The following E2F5 variants were observed in gnomAD, a reference collection of about 807,000 sequenced individuals.
E2F5 encodes the protein E2F transcription factor 5.
E2F5 carries 23 observed loss-of-function variants against 39.1 expected under a neutral mutation model. The ratio of observed to expected loss-of-function variants is 0.59; its 90% CI spans 0.42 to 0.83. The LOEUF (loss-of-function observed/expected upper bound fraction) is 0.83, where lower values mean the gene tolerates loss of function less well. Among genes scored for constraint, E2F5 ranks in the 40% least tolerant of loss-of-function variants. The probability of loss-of-function intolerance (pLI) is 0.00; values close to 1 mark genes in which losing one functional copy is unlikely to be tolerated. For synonymous variants in E2F5, 145 were observed against 157.8 expected (o/e 0.92, Z 0.61); for missense variants, 365 against 406.7 (o/e 0.90, Z 0.88).
At chr8:85,188,895 C>T (rs1812402209) in intron 1 of E2F5, among the ~76,000 whole-genome samples, 1 of 152,136 alleles carries the variant, frequency 6.6e-6, no homozygotes, top group Non-Finnish European at 1.5e-5. Flanking sequence ...CCTTCTTACC[C>T]TCTTCAATGT....
chr8:85,193,672 T>C (rs2129681230), intron 1 of E2F5, among the ~76,000 whole-genome samples: 1 of 152,316 alleles, frequency 6.6e-6, no homozygotes, highest in South Asian at 2.1e-4. Context: ...ATCATTGCTC[T>C]GCTTTTTTTC....
intron 1 of E2F5, among the ~76,000 whole-genome samples, chr8:85,186,258 A>G (rs1445739613): frequency 6.6e-6 from 1 of 152,108 alleles, no homozygotes; most frequent in Non-Finnish European, 1.5e-5. Flanking sequence ...CTATCACAAT[A>G]ACAGAAAACC....
At chr8:85,201,871 A>G in intron 1 of E2F5, 1 of 425,602 alleles carries the variant, frequency 2.3e-6, no homozygotes, top group Non-Finnish European at 4.1e-6. Flanking sequence ...AAGGTGACAC[A>G]AAGTATTCTT....
intron 3 of E2F5, among the ~76,000 whole-genome samples, chr8:85,203,848 TTA>T (rs1812745983): frequency 6.8e-6 from 1 of 147,950 alleles, no homozygotes; most frequent in South Asian, 2.1e-4. Context: ...TAAAATATAT[TTA>T]TATATAATAT....
chr8:85,214,485 G>C lies in E2F5; in HGVS notation c.*623G>C. On this transcript the variant is annotated 3_prime_UTR_variant, in exon 8 of 8. Transcript: ENST00000416274. ...TGTGCCAATGCCTGTACATTAACAA[G>C]ATTTTTAAAAATAAAATTGTATAAA... 9.4e-7 allele frequency: 1 copy of C among 1,069,412 alleles called. No individual in the cohort carries two copies. Among genetic ancestry groups the C allele is most frequent in the South Asian group, 1.4e-5 (1 of 74,020 alleles). The allele number at this position is 1,069,412 out of a possible 1,614,324, so 66.2% of individuals were successfully genotyped here.
intron 1 of E2F5, among the ~76,000 whole-genome samples, chr8:85,199,564 G>A (rs1277287593): frequency 7.0e-6 from 1 of 142,514 alleles, no homozygotes; most frequent in Non-Finnish European, 1.5e-5. Flanking sequence ...TGGTGGTGGT[G>A]GAGATTCATG....
chr8:85,190,418 G>A (rs1294137800), intron 1 of E2F5, among the ~76,000 whole-genome samples: 1 of 148,974 alleles, frequency 6.7e-6, no homozygotes, highest in Non-Finnish European at 1.5e-5. Context: ...CAGGACCTGT[G>A]AATATGTTCA....
At chr8:85,200,975 C>T (rs1812685242) in intron 1 of E2F5, among the ~76,000 whole-genome samples, 1 of 152,202 alleles carries the variant, frequency 6.6e-6, no homozygotes. Flanking sequence ...GAATCCCCTT[C>T]TTGAGGAAGA....
chr8:85,195,214 C>G (rs1329301089), intron 1 of E2F5, among the ~76,000 whole-genome samples: 1 of 151,946 alleles, frequency 6.6e-6, no homozygotes, highest in Non-Finnish European at 1.5e-5. Context: ...GAAACCCCCT[C>G]TCTACTAAAA....
At chr8:85,181,097 C>T (rs1329431173) in intron 1 of E2F5, among the ~76,000 whole-genome samples, 1 of 151,878 alleles carries the variant, frequency 6.6e-6, no homozygotes, top group Non-Finnish European at 1.5e-5. Flanking sequence ...AGGCTGGTCT[C>T]GAACTCCTGA....
chr8:85,204,484 T>C (rs1165170364), intron 3 of E2F5, among the ~76,000 whole-genome samples: 1 of 133,462 alleles, frequency 7.5e-6, no homozygotes, highest in African/African-American at 2.9e-5. Flanking sequence ...TAGGTGGGAA[T>C]TGAACAATGA....
In E2F5 at chr8:85,207,281, C is replaced by T. The variant is rs1346233268; in HGVS notation, c.551-144C>T. ...TCTATGCAGTAGGTTGTGTATCCCC[C>T]ATTTTATAGAATTGAAAATCAAAGC... On this transcript the variant is annotated intron_variant, in intron 4 of 7. Transcript: ENST00000416274. 11 of 608,108 alleles carry T rather than the reference C, an allele frequency of 1.8e-5. No individual in the cohort carries two copies. In the Admixed American group the frequency reaches 3.6e-4, roughly 20 times the overall value. The allele number at this position is 608,108 out of a possible 1,614,324, so 37.7% of individuals were successfully genotyped here.
chr8:85,190,103 C>T (rs1349732878), intron 1 of E2F5, among the ~76,000 whole-genome samples: 1 of 152,200 alleles, frequency 6.6e-6, no homozygotes, highest in Non-Finnish European at 1.5e-5. Context: ...CTTCCTCTGC[C>T]ACCTCGTCTA....
rs1587476194 is a variant in E2F5 at position 85,177,461 on chromosome 8, C to A, written c.41C>A (p.Pro14Gln). 14 of 1,001,648 alleles carry A rather than the reference C, an allele frequency of 1.4e-5. No homozygotes were observed. The highest frequency in any genetic ancestry group is 1.5e-5 in the Non-Finnish European group (13 of 842,140). 62.0% of individuals were successfully genotyped at this position (1,001,648 alleles called of 1,614,324 possible). A position where few individuals can be genotyped will look rare whatever the true frequency, so the allele number is the denominator to read the frequency against. Residue 14 changes from proline (P) to glutamine (Q), a missense_variant, in exon 1 of 8, where the codon CCG becomes CAG. By Grantham distance (76) the Pro-to-Gln change is moderately conservative. Coordinates refer to ENST00000416274, the MANE Select transcript of E2F5 (RefSeq NM_001951.4). ...CCCGCGAGCTCGGGCCAGCAGGCGC[C>A]GGCAGGGCAGGGGCAGGGCCAGCGG... ...AEPASSGQQA[P>Q]AGQGQGQRPP...
chr8:85,201,005 G>A (rs914748170), intron 1 of E2F5, among the ~76,000 whole-genome samples: 1 of 152,234 alleles, frequency 6.6e-6, no homozygotes, highest in East Asian at 1.9e-4. Context: ...TGGGACAGCA[G>A]TAACCTGGGG....
At chr8:85,181,111 C>G (rs1208482172) in intron 1 of E2F5, among the ~76,000 whole-genome samples, 5 of 151,808 alleles carry the variant, frequency 3.3e-5, no homozygotes, top group African/African-American at 1.2e-4. Flanking sequence ...CTCCTGAGCT[C>G]AAAGCTATCT....
At chr8:85,211,851 G>A (rs1017706810) in intron 6 of E2F5, among the ~76,000 whole-genome samples, 3 of 151,652 alleles carry the variant, frequency 2.0e-5, no homozygotes, top group Non-Finnish European at 4.4e-5. Flanking sequence ...TGTTGCCCAG[G>A]CTGGTCTGAA....
rs929867980 is a variant in E2F5 at position 85,214,475 on chromosome 8, A to C, written c.*613A>C. The C allele has an allele frequency of 1.7e-5, 16 of 930,314 alleles. No individual in the cohort carries two copies. The African/African-American group carries it at 2.7e-4, about 16-fold the overall frequency. The allele number at this position is 930,314 out of a possible 1,614,324, so 57.6% of individuals were successfully genotyped here. On this transcript the variant is annotated 3_prime_UTR_variant, in exon 8 of 8. Coordinates refer to ENST00000416274, the MANE Select transcript of E2F5 (RefSeq NM_001951.4). ...GTTTTTAAAATGTGCCAATGCCTGT[A>C]CATTAACAAGATTTTTAAAAATAAA...
intron 2 of E2F5, 124 bp downstream of exon 2, chr8:85,202,380 T>C: frequency 1.5e-6 from 1 of 662,002 alleles, no homozygotes; most frequent in African/African-American, 1.8e-5. Context: ...CAGCTTTCCC[T>C]GAACACACCT....
Sources: allele counts gnomAD v4.1 joint callset (sites outside exome capture counted in the v4.1 genomes callset), GRCh38; gene constraint gnomAD v4.1.1; transcripts MANE v1.5; gene names NCBI Gene and HGNC (gene_info 2026-07-23, HGNC 2026-07-21).